The following GYPE variants were observed in gnomAD, a reference collection of about 807,000 sequenced individuals.
The protein encoded by GYPE is glycophorin E (MNS blood group).
Under a neutral mutation model 11.6 loss-of-function variants are expected in GYPE, and 8 were observed. The observed-to-expected ratio is 0.69, with a 90% CI of 0.41 to 1.25. The LOEUF is 1.25. Ranked by LOEUF, GYPE falls within the 50% of genes most tolerant of loss-of-function variation. The pLI, the probability that GYPE is intolerant of heterozygous loss-of-function variation, is 0.01. For synonymous variants in GYPE, 28 were observed against 29.6 expected (o/e 0.94, Z 0.18); for missense variants, 90 against 92.8 (o/e 0.97, Z 0.12).
intron 1 of GYPE, among the ~76,000 whole-genome samples, chr4:143,885,402 A>C (rs1324085112): frequency 3.3e-5 from 5 of 152,150 alleles, no homozygotes; most frequent in African/African-American, 1.2e-4. Flanking sequence ...ACACTCTAGC[A>C]AATAGGTAGA....
chr4:143,903,814 A>T lies in GYPE; in HGVS notation c.37+1657T>A, dbSNP rs1321096984. Among the ~76,000 whole-genome samples, 13 of 152,132 alleles carry T rather than the reference A, an allele frequency of 8.5e-5. 1 individual carries two copies. The South Asian group carries it at 2.7e-3, about 32-fold the overall frequency. On this transcript the variant is annotated intron_variant, in intron 1 of 3. Transcript: ENST00000358615. The stretch of plus-strand genomic sequence containing the variant: ...GTGTAGTTGTAGAAATTAAAAAAAA[A>T]AATCATTTCTTTGCCAGGAACCCTT...
At chr4:143,901,177 C>G (rs1744851856) in intron 1 of GYPE, among the ~76,000 whole-genome samples, 1 of 152,024 alleles carries the variant, frequency 6.6e-6, no homozygotes, top group African/African-American at 2.4e-5. Flanking sequence ...ACTTTGTACA[C>G]TACAAACAAA....
At chr4:143,900,276 T>TA (rs1318563040) in intron 1 of GYPE, among the ~76,000 whole-genome samples, 2 of 124,246 alleles carry the variant, frequency 1.6e-5, no homozygotes, top group Non-Finnish European at 3.4e-5. Context: ...TGGCTATAAT[T>TA]AAAAAAATGA....
intron 1 of GYPE, among the ~76,000 whole-genome samples, chr4:143,894,105 C>A (rs1255509791): frequency 6.6e-6 from 1 of 152,150 alleles, no homozygotes; most frequent in African/African-American, 2.4e-5. Context: ...ATCACATTGG[C>A]TCCTGAGGCT....
intron 3 of GYPE, 133 bp from the exon 4 acceptor site, chr4:143,872,385 G>T (rs1743647660): frequency 6.6e-6 from 1 of 152,358 alleles, no homozygotes; most frequent in African/African-American, 2.4e-5. Flanking sequence ...TAAGAAATAG[G>T]AAAAGTATAT....
chr4:143,893,451 G>A (rs1744493266), intron 1 of GYPE, among the ~76,000 whole-genome samples: 1 of 151,004 alleles, frequency 6.6e-6, no homozygotes. Context: ...GCTGTTACCG[G>A]ATGTGCCTTT....
intron 1 of GYPE, among the ~76,000 whole-genome samples, chr4:143,899,765 A>T (rs1264182546): frequency 1.2e-4 from 14 of 121,352 alleles, no homozygotes; most frequent in Non-Finnish European, 3.5e-5. Context: ...GCAAAATAAT[A>T]AAGGTGGACT....
intron 1 of GYPE, among the ~76,000 whole-genome samples, chr4:143,891,037 T>C (rs1297844237): frequency 2.6e-5 from 4 of 152,084 alleles, no homozygotes; most frequent in Non-Finnish European, 5.9e-5. Flanking sequence ...AAAACTTAAG[T>C]TTTTCAAATT....
At chr4:143,899,234 T>A (rs982798655) in intron 1 of GYPE, among the ~76,000 whole-genome samples, 3 of 150,394 alleles carry the variant, frequency 2.0e-5, no homozygotes, top group East Asian at 2.0e-4. Flanking sequence ...GAGCCAATCC[T>A]GGAACATCAC....
At chr4:143,898,486 G>C (rs1342655845) in intron 1 of GYPE, among the ~76,000 whole-genome samples, 5 of 152,162 alleles carry the variant, frequency 3.3e-5, no homozygotes, top group Non-Finnish European at 7.3e-5. Context: ...AGATTTACTT[G>C]TGTCATTAAG....
chr4:143,885,281 G>C (rs1744188676), intron 1 of GYPE, among the ~76,000 whole-genome samples: 3 of 152,138 alleles, frequency 2.0e-5, no homozygotes, highest in Non-Finnish European at 1.5e-5. Flanking sequence ...GAGGTGAAAA[G>C]TATTTTAAAT....
intron 1 of GYPE, among the ~76,000 whole-genome samples, chr4:143,898,524 A>G (rs1394909708): frequency 6.6e-6 from 1 of 152,234 alleles, no homozygotes; most frequent in Admixed American, 6.5e-5. Context: ...ATTCTTAAGT[A>G]ATTATGGACC....
intron 1 of GYPE, among the ~76,000 whole-genome samples, chr4:143,901,029 A>T (rs1213477426): frequency 6.6e-6 from 1 of 152,218 alleles, no homozygotes; most frequent in Admixed American, 6.5e-5. Context: ...AATCGCTTAG[A>T]ACAGTGCATG....
chr4:143,893,247 G>A (rs1189815064), intron 1 of GYPE, among the ~76,000 whole-genome samples: 1 of 140,344 alleles, frequency 7.1e-6, no homozygotes, highest in African/African-American at 2.6e-5. Flanking sequence ...ACACTGGTGG[G>A]TCTTGACTCT....
chr4:143,884,016 GC>G (rs1242371267), intron 1 of GYPE, among the ~76,000 whole-genome samples: 1 of 152,004 alleles, frequency 6.6e-6, no homozygotes, highest in Non-Finnish European at 1.5e-5. Flanking sequence ...ATGGGAGGGT[GC>G]TGCAATTTTC....
At chr4:143,904,207 T>G (rs1013635251) in intron 1 of GYPE, among the ~76,000 whole-genome samples, 3 of 152,004 alleles carry the variant, frequency 2.0e-5, no homozygotes, top group Non-Finnish European at 4.4e-5. Flanking sequence ...CTGTAACTAC[T>G]GATAGCTACT....
At chr4:143,905,428 C>G (rs931460810) in intron 1 of GYPE, 43 bp downstream of exon 1, 2 of 1,612,038 alleles carry the variant, frequency 1.2e-6, no homozygotes, top group African/African-American at 2.7e-5. Flanking sequence ...TCTATGATCT[C>G]ATACCCAATA....
Position 143,874,049 on chromosome 4 carries a change from ACT to A in GYPE, c.*10-1799_*10-1798del, listed in dbSNP as rs1491498979. On this transcript the variant is annotated intron_variant, in intron 3 of 3. Coordinates refer to ENST00000358615, the MANE Select transcript of GYPE (RefSeq NM_198682.3). ...GTAAAACCCCATGTAGACTAATGTA[ACT>A]CTGTTAGGGAGATGTGTACTAGCAA... is the stretch of plus-strand genomic sequence containing the variant. Among the ~76,000 whole-genome samples the A allele has an allele frequency of 3.3e-5, 5 of 151,998 alleles. 1 individual carries two copies. The highest frequency in any genetic ancestry group is 7.2e-5 in the African/African-American group (3 of 41,390).
intron 1 of GYPE, 98 bp from the exon 2 acceptor site, chr4:143,880,607 T>C: frequency 6.3e-7 from 1 of 1,583,460 alleles, no homozygotes; most frequent in South Asian, 1.1e-5. Context: ...ATCCCTCCAG[T>C]CCCTGAGCTA....
Sources: gnomAD v4.1 joint callset for allele counts (sites outside exome capture counted in the v4.1 genomes callset) on GRCh38, gnomAD v4.1.1 for gene constraint, MANE v1.5 for transcripts, NCBI Gene and HGNC (gene_info 2026-07-23, HGNC 2026-07-21) for gene names.